Variants in SPDYE4 observed in about 807,000 individuals in gnomAD.
SPDYE4 encodes the protein speedy/RINGO cell cycle regulator family member E4.
Under a neutral mutation model 37.5 loss-of-function variants are expected in SPDYE4, and 30 were observed. The ratio of observed to expected loss-of-function variants is 0.80; its 90% CI spans 0.60 to 1.09. SPDYE4 has a LOEUF of 1.09. SPDYE4 is among the 50% of genes least tolerant of loss of function. The pLI is 0.00. For missense variants in SPDYE4, 300 were observed against 307.9 expected, an observed-to-expected ratio of 0.97 and a Z score of 0.19; for synonymous variants, 131 against 120.3, an observed-to-expected ratio of 1.09 and a Z score of -0.58.
chr17:8,749,219 G>A (rs2086710602), downstream of SPDYE4, among the ~76,000 whole-genome samples: 4 of 150,970 alleles, frequency 2.6e-5, no homozygotes, highest in Admixed American at 2.6e-4. Context: ...CAGCCTCCTG[G>A]GTAGCTGGGA....
At chr17:8,756,262 T>A (rs559512395) in intron 3 of SPDYE4, 116 bp downstream of exon 3, 1 of 940,436 alleles carries the variant, frequency 1.1e-6, no homozygotes, top group African/African-American at 1.6e-5. Context: ...GAGTATGGAA[T>A]CAGCAGGTGG....
intron 1 of SPDYE4, among the ~76,000 whole-genome samples, 177 bp downstream of exon 1, chr17:8,758,097 T>C (rs921335048): frequency 2.6e-5 from 4 of 152,112 alleles, no homozygotes; most frequent in African/African-American, 7.2e-5. Flanking sequence ...AGACTTTCTT[T>C]ACACGTGGCC....
chr17:8,758,284 T>A lies in SPDYE4; in HGVS notation c.99A>T (p.Pro33=). The change falls in exon 1 of 7, where the codon CCA becomes CCT. Residue 33 remains proline, a synonymous_variant. Transcript: ENST00000689094. ...SPEVVVDDEV[P]GPSAPWIDPS... ...CTCCAGTCACCTCACCTGATGGTCC[T>A]GGCACTTCATCATCCACCACCACCT... 6.5e-7 allele frequency: 1 copy of A among 1,545,494 alleles called. No homozygotes were observed.
At chr17:8,757,941 C>A (rs1417984269) in intron 1 of SPDYE4, among the ~76,000 whole-genome samples, 1 of 152,066 alleles carries the variant, frequency 6.6e-6, no homozygotes, top group African/African-American at 2.4e-5. Flanking sequence ...CACCACCATG[C>A]CCAACTCACT....
intron 2 of SPDYE4, 128 bp downstream of exon 2, chr17:8,757,134 C>T: frequency 1.2e-6 from 1 of 818,564 alleles, no homozygotes; most frequent in South Asian, 1.8e-5. Flanking sequence ...TCCTAAGCAT[C>T]CTCCTCCTGC....
rs1174433668 is a variant in SPDYE4, at chr17:8,755,536, G to T, written c.469C>A (p.His157Asn). 1 of 1,611,680 alleles carries T rather than the reference G, an allele frequency of 6.2e-7. No homozygotes were observed. Among genetic ancestry groups the T allele is most frequent in the Non-Finnish European group, 8.5e-7 (1 of 1,179,560 alleles). Residue 157 changes from histidine to asparagine, a missense_variant, in exon 4 of 7, where the codon CAT (histidine) becomes AAT (asparagine). By Grantham distance (68) the His-to-Asn change is moderately conservative. Transcript: ENST00000689094. ...ACTACTCACAGAGCCAGGAAGAAATGAATGCGTTGGTATTGCCACGAGAAG... is the reference window on the plus strand; with the variant it reads ...ACTACTCACAGAGCCAGGAAGAAATTAATGCGTTGGTATTGCCACGAGAAG... ...GLFSWQYQRI[H>N]FFLALYLASD...
chr17:8,749,895 G>C (rs769771411), downstream of SPDYE4, among the ~76,000 whole-genome samples: 28 of 152,328 alleles, frequency 1.8e-4, no homozygotes, highest in African/African-American at 2.9e-4. Context: ...TGTAACAATA[G>C]CTTCACGGTT....
At chr17:8,758,166 G>T in intron 1 of SPDYE4, 108 bp downstream of exon 1, 1 of 956,400 alleles carries the variant, frequency 1.0e-6, no homozygotes, top group Non-Finnish European at 1.5e-6. Context: ...TGAGTCCGTC[G>T]TTTCTTTCCC....
In SPDYE4 at chr17:8,751,037, C is replaced by G. The variant is rs2086724992; in HGVS notation, c.*1245G>C. Among the ~76,000 whole-genome samples the G allele has an allele frequency of 6.6e-6, 1 of 152,108 alleles. No individual in the cohort carries two copies. The highest frequency in any genetic ancestry group is 2.4e-5 in the African/African-American group (1 of 41,416). ...CACAGTTCAATAACAAACAAACACT[C>G]AACATCAAATAAAAATTTATTTTTA... On this transcript the variant is annotated 3_prime_UTR_variant, in exon 7 of 7. Coordinates refer to ENST00000689094, the MANE Select transcript of SPDYE4 (RefSeq NM_001394956.1).
chr17:8,749,910 G>T (rs146780570), downstream of SPDYE4, among the ~76,000 whole-genome samples: 2 of 152,306 alleles, frequency 1.3e-5, no homozygotes, highest in South Asian at 2.1e-4. Flanking sequence ...ACGGTTCCAT[G>T]TGCTGGAATA....
chr17:8,755,619 G>A lies in SPDYE4; in HGVS notation c.400-14C>T. The A allele has an allele frequency of 6.2e-7, 1 of 1,611,424 alleles. No homozygotes were observed. The highest frequency in any genetic ancestry group is 1.1e-5 in the South Asian group (1 of 91,042). ...AGCCAGGAGATACTGATGGAGAGAAGGGAGTAGAGAGAGAGAAAGGTTGGT... is the reference window on the plus strand; with the variant it reads ...AGCCAGGAGATACTGATGGAGAGAAAGGAGTAGAGAGAGAGAAAGGTTGGT... On this transcript the variant is annotated splice_polypyrimidine_tract_variant and intron_variant, in intron 3 of 6. Coordinates refer to ENST00000689094, the MANE Select transcript of SPDYE4 (RefSeq NM_001394956.1).
chr17:8,756,924 G>A (rs2086777380), intron 2 of SPDYE4, among the ~76,000 whole-genome samples: 1 of 151,794 alleles, frequency 6.6e-6, no homozygotes, highest in South Asian at 2.1e-4. Context: ...TTATGACAGG[G>A]TCTTTCCTTG....
At chr17:8,756,724 G>A (rs1196274574) in intron 2 of SPDYE4, among the ~76,000 whole-genome samples, 1 of 152,160 alleles carries the variant, frequency 6.6e-6, no homozygotes, top group East Asian at 1.9e-4. Context: ...GACCACTGCA[G>A]AAGTCATAAT....
chr17:8,753,696 A>G (rs1045636674), intron 4 of SPDYE4, among the ~76,000 whole-genome samples: 4 of 152,150 alleles, frequency 2.6e-5, no homozygotes, highest in African/African-American at 9.6e-5. Context: ...AGATGATCCA[A>G]GTGGTAGCTG....
intron 2 of SPDYE4, 134 bp from the exon 3 acceptor site, chr17:8,756,570 G>T: frequency 1.2e-6 from 1 of 801,792 alleles, no homozygotes; most frequent in Non-Finnish European, 2.0e-6. Context: ...GATGGGAGAG[G>T]AGAGAAGGAC....
rs184746576 is a variant in SPDYE4, at chr17:8,753,344, C to T, written c.631G>A (p.Val211Ile). The T allele has an allele frequency of 1.0e-3, 1,476 of 1,479,402 alleles. 17 individuals are homozygous for T. In the East Asian group the frequency reaches 0.029, roughly 29 times the overall value. The allele number at this position is 1,479,402 out of a possible 1,614,324, so 91.6% of individuals were successfully genotyped here. Residue 211 changes from valine to isoleucine, a missense_variant, in exon 5 of 7, where the codon GTT becomes ATT. Coordinates refer to ENST00000689094, the MANE Select transcript of SPDYE4 (RefSeq NM_001394956.1). ...LLCSMRWRTW[V>I]SPEEMEEIQA... ...ACCTCCTCCATCTCCTCTGGGGAAACCCACGTCCTCCAGCGCATGGAACAG... is the reference window on the plus strand; with the variant it reads ...ACCTCCTCCATCTCCTCTGGGGAAATCCACGTCCTCCAGCGCATGGAACAG...
At chr17:8,758,138 C>T in intron 1 of SPDYE4, 136 bp downstream of exon 1, 1 of 732,494 alleles carries the variant, frequency 1.4e-6, no homozygotes, top group Non-Finnish European at 2.2e-6. Flanking sequence ...CACCCTCCTT[C>T]CCCGATCCCT....
chr17:8,758,230 C>T (rs1396595793), intron 1 of SPDYE4, 44 bp downstream of exon 1: 1 of 1,449,970 alleles, frequency 6.9e-7, no homozygotes, highest in East Asian at 2.5e-5. Context: ...CTTCCCTCTC[C>T]TCAGTCAATC....
chr17:8,748,899 G>A (rs956086312), downstream of SPDYE4, among the ~76,000 whole-genome samples: 16 of 152,166 alleles, frequency 1.1e-4, no homozygotes, highest in African/African-American at 3.4e-4. Context: ...TCCATGGCAG[G>A]CTGACCAATA....
Sources: gnomAD v4.1 joint callset for allele counts (sites outside exome capture counted in the v4.1 genomes callset) on GRCh38, gnomAD v4.1.1 for gene constraint, MANE v1.5 for transcripts, NCBI Gene and HGNC (gene_info 2026-07-23, HGNC 2026-07-21) for gene names.